BICRAL: variants seen among roughly 807,000 people sequenced by gnomAD.
BICRAL encodes BICRA like chromatin remodeling complex associated protein.
In BICRAL, 8 loss-of-function variants were observed where a neutral mutation model predicts 91.8. The observed-to-expected ratio is 0.09, with a 90% CI of 0.05 to 0.16. The LOEUF is 0.16. Among genes scored for constraint, BICRAL ranks in the 10% least tolerant of loss-of-function variants. The pLI is 1.00. For synonymous variants in BICRAL, 445 were observed against 491.1 expected (o/e 0.91, Z 1.24); for missense variants, 1,038 against 1,310.9 (o/e 0.79, Z 3.21).
chr6:42,789,262 G>A (rs1278908118), intron 1 of BICRAL, among the ~76,000 whole-genome samples: 2 of 152,156 alleles, frequency 1.3e-5, no homozygotes, highest in Non-Finnish European at 2.9e-5. Flanking sequence ...TTAAAATTCA[G>A]TAACTCTATA....
chr6:42,751,654 C>CT (rs1190737893), intron 1 of BICRAL, among the ~76,000 whole-genome samples: 28,804 of 116,498 alleles, frequency 0.25, 4,061 homozygotes, highest in Non-Finnish European at 0.29. Flanking sequence ...TCTTTCTTTT[C>CT]TTTTTTTTTT....
intron 1 of BICRAL, among the ~76,000 whole-genome samples, chr6:42,773,766 C>T (rs113276947): frequency 0.015 from 2,232 of 152,258 alleles, 52 homozygotes; most frequent in African/African-American, 0.051. Context: ...CCATCCGCCT[C>T]GGCTTCCCAA....
rs576322984 is a variant in BICRAL, at chr6:42,855,887, C to G, written c.2078C>G (p.Pro693Arg). The stretch of plus-strand genomic sequence containing the variant: ...AGTCATTCGGGAGGACAAAAAAGGC[C>G]TGCTGCGAAACAGCTAACGAAAGGA... ...VESHSGGQKR[P>R]AAKQLTKGAF... The change falls in exon 9 of 13, where the codon CCT becomes CGT. Residue 693 changes from proline to arginine, a missense_variant. By Grantham distance (103) the Pro-to-Arg change is moderately radical (BLOSUM62 -2). Coordinates refer to ENST00000314073, the MANE Select transcript of BICRAL (RefSeq NM_001393499.1). 6 of 1,613,788 alleles carry G rather than the reference C, an allele frequency of 3.7e-6. No homozygotes were observed. The South Asian group carries it at 6.6e-5, about 18-fold the overall frequency.
At chr6:42,772,295 T>C (rs1762749986) in intron 1 of BICRAL, among the ~76,000 whole-genome samples, 1 of 152,156 alleles carries the variant, frequency 6.6e-6, no homozygotes, top group African/African-American at 2.4e-5. Context: ...TTTCTTGGGA[T>C]TGAGTCTCAA....
intron 1 of BICRAL, among the ~76,000 whole-genome samples, chr6:42,795,154 G>A (rs1350609575): frequency 6.6e-6 from 1 of 152,096 alleles, no homozygotes; most frequent in East Asian, 1.9e-4. Flanking sequence ...ACAAAAAGTC[G>A]GGTGCGGTGG....
chr6:42,812,376 T>C (rs1303317647), intron 2 of BICRAL, among the ~76,000 whole-genome samples: 1 of 152,124 alleles, frequency 6.6e-6, no homozygotes. Context: ...GAGGATCACT[T>C]GAGACCAGGG....
chr6:42,838,176 A>G (rs1279300091), intron 6 of BICRAL, among the ~76,000 whole-genome samples: 1 of 152,204 alleles, frequency 6.6e-6, no homozygotes, highest in East Asian at 1.9e-4. Context: ...TAATATAATT[A>G]TATCAAATTT....
chr6:42,797,942 C>G (rs1319994560), intron 1 of BICRAL, among the ~76,000 whole-genome samples: 1 of 152,150 alleles, frequency 6.6e-6, no homozygotes, highest in Non-Finnish European at 1.5e-5. Flanking sequence ...CATCACTGCA[C>G]TCCAGCCTTG....
At chr6:42,848,276 T>C (rs1016436352) in intron 6 of BICRAL, among the ~76,000 whole-genome samples, 2 of 148,384 alleles carry the variant, frequency 1.3e-5, no homozygotes, top group Non-Finnish European at 3.0e-5. Context: ...TAGCCAGGCA[T>C]GATGGTGCAT....
chr6:42,748,104 C>CTTTTT (rs35511368), intron 1 of BICRAL, among the ~76,000 whole-genome samples: 8 of 124,580 alleles, frequency 6.4e-5, no homozygotes, highest in Non-Finnish European at 1.0e-4. Flanking sequence ...GTGCCTGGCC[C>CTTTTT]TTTTTTTTTT....
rs1562503302 is a variant in BICRAL, at chr6:42,866,358, A to AC, written c.*913dup. 6.0e-6 allele frequency: 1 copy of AC among 167,792 alleles called. No individual in the cohort carries two copies. Among genetic ancestry groups the AC allele is most frequent in the Non-Finnish European group, 1.3e-5 (1 of 76,820 alleles). The allele number at this position is 167,792 out of a possible 1,614,324, so 10.4% of individuals were successfully genotyped here. ...TATATATGTTAACTATTGAGAAAAA[A>AC]CAAGTTTTGCATTTTATAATTGGAT... On this transcript the variant is annotated 3_prime_UTR_variant, in exon 13 of 13. Coordinates refer to ENST00000314073, the MANE Select transcript of BICRAL (RefSeq NM_001393499.1).
At chr6:42,845,195 G>GTTTTT (rs748804344) in intron 6 of BICRAL, among the ~76,000 whole-genome samples, 6 of 25,600 alleles carry the variant, frequency 2.3e-4, no homozygotes, top group African/African-American at 4.4e-4. Context: ...TTTTTTGGGT[G>GTTTTT]TTTTTTTTTT....
At chr6:42,837,013 C>T (rs1356158935) in intron 6 of BICRAL, among the ~76,000 whole-genome samples, 1 of 151,678 alleles carries the variant, frequency 6.6e-6, no homozygotes, top group Admixed American at 6.6e-5. Flanking sequence ...GGCACTATCT[C>T]GGCTCACTGC....
upstream of BICRAL, among the ~76,000 whole-genome samples, chr6:42,777,853 T>A (rs1463414758): frequency 6.6e-6 from 1 of 152,182 alleles, no homozygotes; most frequent in Non-Finnish European, 1.5e-5. Flanking sequence ...AGTGGCCATT[T>A]TATTGTACAT....
intron 1 of BICRAL, among the ~76,000 whole-genome samples, chr6:42,782,618 G>T (rs1425799953): frequency 6.8e-6 from 1 of 146,428 alleles, no homozygotes; most frequent in Non-Finnish European, 1.5e-5. Context: ...GAGAGCCCGG[G>T]AAGGGGGTGG....
chr6:42,769,739 A>T (rs571146361), intron 1 of BICRAL, among the ~76,000 whole-genome samples: 4 of 152,202 alleles, frequency 2.6e-5, no homozygotes, highest in Non-Finnish European at 5.9e-5. Flanking sequence ...ATCTGTTCAT[A>T]GCATTCTCTT....
At chr6:42,850,873 GA>G (rs756860349) in intron 6 of BICRAL, among the ~76,000 whole-genome samples, 1 of 148,084 alleles carries the variant, frequency 6.8e-6, no homozygotes, top group African/African-American at 2.5e-5. Context: ...ATCTCAAAAG[GA>G]AAAAAAACTG....
At chr6:42,789,769 TATC>T (rs1204343333) in intron 1 of BICRAL, among the ~76,000 whole-genome samples, 6 of 152,188 alleles carry the variant, frequency 3.9e-5, no homozygotes, top group Non-Finnish European at 7.3e-5. Context: ...TATCTCTTCT[TATC>T]ATGGTACCAA....
chr6:42,838,975 C>T (rs181707234), intron 6 of BICRAL, among the ~76,000 whole-genome samples: 17 of 150,132 alleles, frequency 1.1e-4, no homozygotes, highest in African/African-American at 3.7e-4. Flanking sequence ...AAATAAATAA[C>T]GGATTACCTA....
Sources: allele counts gnomAD v4.1 joint callset (sites outside exome capture counted in the v4.1 genomes callset), GRCh38; gene constraint gnomAD v4.1.1; transcripts MANE v1.5; gene names NCBI Gene and HGNC (gene_info 2026-07-23, HGNC 2026-07-21).